CARS2: variants seen among roughly 807,000 people sequenced by gnomAD.
The protein encoded by CARS2 is probable cysteine--tRNA ligase, mitochondrial.
A neutral mutation model predicts 68.8 loss-of-function variants in CARS2; 52 were observed. The observed-to-expected ratio is 0.76, with a 90% CI of 0.61 to 0.95. The LOEUF (loss-of-function observed/expected upper bound fraction) is 0.95, where lower values mean the gene tolerates loss of function less well. CARS2 is among the 40% of genes least tolerant of loss of function. The pLI, the probability that CARS2 is intolerant of heterozygous loss-of-function variation, is 0.00. For missense variants in CARS2, 780 were observed against 754.2 expected (o/e 1.03, Z -0.40); for synonymous variants, 314 against 303.6 (o/e 1.03, Z -0.36).
At chr13:110,641,692 G>C in intron 14 of CARS2, 84 bp from the exon 15 acceptor site, 1 of 1,128,818 alleles carries the variant, frequency 8.9e-7, no homozygotes, top group Admixed American at 1.7e-5. Flanking sequence ...CAGGTTCAGG[G>C]TGCCTGTTCC....
At chr13:110,692,721 A>C (rs540243294) in intron 3 of CARS2, among the ~76,000 whole-genome samples, 1 of 152,226 alleles carries the variant, frequency 6.6e-6, no homozygotes, top group South Asian at 2.1e-4. Context: ...AGGCTGAGGC[A>C]GGAGGATCAC....
chr13:110,661,702 G>C (rs1400003889), intron 9 of CARS2, among the ~76,000 whole-genome samples: 1 of 152,202 alleles, frequency 6.6e-6, no homozygotes, highest in African/African-American at 2.4e-5. Context: ...GAAAGTGAGA[G>C]ATGTGTGACT....
chr13:110,654,855 G>A (rs2062319092), intron 9 of CARS2, among the ~76,000 whole-genome samples: 1 of 145,222 alleles, frequency 6.9e-6, no homozygotes, highest in Non-Finnish European at 1.5e-5. Context: ...GTTCCAGGCT[G>A]CAGTGAGCTA....
At chr13:110,669,499 T>G (rs1340035912) in intron 7 of CARS2, among the ~76,000 whole-genome samples, 1 of 152,232 alleles carries the variant, frequency 6.6e-6, no homozygotes, top group Non-Finnish European at 1.5e-5. Flanking sequence ...GTGTTTCTAA[T>G]TTTTTAAAAC....
chr13:110,683,743 G>A (rs543071944), intron 5 of CARS2, among the ~76,000 whole-genome samples: 3 of 149,616 alleles, frequency 2.0e-5, no homozygotes, highest in Non-Finnish European at 4.4e-5. Context: ...CTGGCTGGGT[G>A]CAGTGGCTCA....
chr13:110,706,214 C>T (rs2063955461), upstream of CARS2: 1 of 672,190 alleles, frequency 1.5e-6, no homozygotes, highest in East Asian at 4.3e-5. Context: ...ACGCCCACTC[C>T]CGGAAGCAGT....
At chr13:110,654,943 A>G (rs1361711896) in intron 9 of CARS2, among the ~76,000 whole-genome samples, 1 of 126,044 alleles carries the variant, frequency 7.9e-6, no homozygotes. Context: ...AAAGAAAAAG[A>G]AAAAAAAAGA....
At chr13:110,664,878 G>A (rs987995175) in intron 8 of CARS2, 9 of 522,390 alleles carry the variant, frequency 1.7e-5, no homozygotes, top group East Asian at 1.5e-4. Context: ...CCGAGACACC[G>A]AGTCTGCCAG....
At chr13:110,678,570 C>G (rs1480954467) in intron 6 of CARS2, among the ~76,000 whole-genome samples, 2 of 152,216 alleles carry the variant, frequency 1.3e-5, no homozygotes, top group Non-Finnish European at 2.9e-5. Flanking sequence ...ATCCTCTGGG[C>G]ACCCAAGCAA....
In CARS2 at chr13:110,663,725, C is replaced by A. The variant is rs1223600570; in HGVS notation, c.920-207G>T. Reference sequence around the variant, plus strand: ...CTGCCCTTGTTCCACGGTGCAGGGACACCCAGCCCCACACTGAGAGCAGAT... The same window carrying A: ...CTGCCCTTGTTCCACGGTGCAGGGAAACCCAGCCCCACACTGAGAGCAGAT... On this transcript the variant is annotated intron_variant, in intron 8 of 14. Coordinates refer to ENST00000257347, the MANE Select transcript of CARS2 (RefSeq NM_024537.4). The A allele has an allele frequency of 8.3e-6, 11 of 1,332,738 alleles. No homozygotes were observed. The African/African-American group carries it at 1.5e-4, about 18-fold the overall frequency. The allele number at this position is 1,332,738 out of a possible 1,614,324, so 82.6% of individuals were successfully genotyped here.
rs948020384 is a variant in CARS2, at chr13:110,676,664, C to T, written c.785+310G>A. Among the ~76,000 whole-genome samples the T allele has an allele frequency of 2.6e-5, 4 of 152,044 alleles. No individual in the cohort carries two copies. The highest frequency in any genetic ancestry group is 4.4e-5 in the Non-Finnish European group (3 of 67,976). On this transcript the variant is annotated intron_variant, in intron 7 of 14. Transcript: ENST00000257347. This position sits in a 1 kb window ranked among gnomAD's most constrained non-coding sequence, Gnocchi z 4.0. ...GCGAGGAGGGATGTAGGTGCAAGCA[C>T]TCTCCTCCAGGGCCCCAAGCACCAG... is the stretch of plus-strand genomic sequence containing the variant.
At chr13:110,666,256 G>A (rs960660689) in intron 8 of CARS2, 2 of 985,260 alleles carry the variant, frequency 2.0e-6, no homozygotes, top group African/African-American at 1.7e-5. Context: ...AAGTGAGGGC[G>A]GCAGGCGTTT....
At chr13:110,701,207 G>A (rs554108767) in intron 3 of CARS2, 14 of 326,898 alleles carry the variant, frequency 4.3e-5, no homozygotes, top group Non-Finnish European at 6.2e-5. Context: ...GGGATTACAG[G>A]AGCCCGCCAC....
chr13:110,662,160 C>T (rs1303561749), intron 9 of CARS2, among the ~76,000 whole-genome samples: 3 of 151,942 alleles, frequency 2.0e-5, no homozygotes, highest in Admixed American at 6.6e-5. Flanking sequence ...CTGCAGTGGC[C>T]GGGCTCCGAC....
chr13:110,658,819 C>G (rs1215854609), intron 9 of CARS2, among the ~76,000 whole-genome samples: 1 of 152,068 alleles, frequency 6.6e-6, no homozygotes, highest in Non-Finnish European at 1.5e-5. Flanking sequence ...ATCCCAGCTA[C>G]TCGGTAGGCT....
intron 1 of CARS2, chr13:110,712,617 C>T (rs1370152824): frequency 5.4e-5 from 26 of 477,900 alleles, no homozygotes; most frequent in Non-Finnish European, 7.5e-5. Context: ...AATCCGGGAG[C>T]TTTGGGAGGG....
rs2062292602 is a variant in CARS2 at position 110,653,975 on chromosome 13, G to T, written c.988-2875C>A. 6.6e-6 allele frequency among the ~76,000 whole-genome samples: 1 copy of T among 152,216 alleles called. No individual in the cohort carries two copies. Among genetic ancestry groups the T allele is most frequent in the Non-Finnish European group, 1.5e-5 (1 of 68,036 alleles). On this transcript the variant is annotated intron_variant, in intron 9 of 14. Transcript: ENST00000257347. The surrounding 1 kb of genome is among the most constrained non-coding windows in gnomAD (Gnocchi z 5.6). The stretch of plus-strand genomic sequence containing the variant: ...AGAGGCAAAATGTGGCGACGGCAGT[G>T]TAAGCTCGTGCTGGAACTCTCCAGG...
At chr13:110,713,322 G>A in exon 1 of CARS2, 6 of 1,150,896 alleles carry the variant, frequency 5.2e-6, no homozygotes, top group Non-Finnish European at 6.4e-6. Flanking sequence ...GGAGGTTTCT[G>A]TCCCGCGGCC....
In CARS2 at chr13:110,677,032, C is replaced by A. The variant is rs2062971725; in HGVS notation, c.727G>T (p.Ala243Ser). 1 of 1,610,152 alleles carries A rather than the reference C, an allele frequency of 6.2e-7. No homozygotes were observed. The highest frequency in any genetic ancestry group is 8.5e-7 in the Non-Finnish European group (1 of 1,177,124). ...KAAKPQEVFW[A>S]SPWGPGRPGW... is the part of the protein sequence containing the mutation. ...GGCCTCCCGGGTCCCCAGGGAGAGG[C>A]CCAGAACACCTCCTGGGGTTTGGCC... The change falls in exon 7 of 15, where the codon GCC (alanine) becomes TCC (serine). Residue 243 changes from alanine (A) to serine (S), a missense_variant. Coordinates refer to ENST00000257347, the MANE Select transcript of CARS2 (RefSeq NM_024537.4).
Sources: allele counts gnomAD v4.1 joint callset (sites outside exome capture counted in the v4.1 genomes callset), GRCh38; gene constraint gnomAD v4.1.1; non-coding constraint Gnocchi (gnomAD v3.1); transcripts MANE v1.5; gene names NCBI Gene and HGNC (gene_info 2026-07-23, HGNC 2026-07-21).